CD28: variants seen among roughly 807,000 people sequenced by gnomAD.
CD28 encodes T-cell-specific surface glycoprotein CD28.
In CD28, 8 loss-of-function variants were observed where a neutral mutation model predicts 21.4. The ratio of observed to expected loss-of-function variants is 0.37; its 90% CI spans 0.22 to 0.68. CD28 has a LOEUF of 0.68. Among genes scored for constraint, CD28 ranks in the 30% least tolerant of loss-of-function variants. CD28 has a pLI of 0.55. For synonymous variants in CD28, 106 were observed against 104.0 expected (o/e 1.02, Z -0.12); for missense variants, 239 against 272.2 (o/e 0.88, Z 0.86).
At chr2:203,715,846 T>C (rs1693448764) in intron 1 of CD28, among the ~76,000 whole-genome samples, 1 of 152,166 alleles carries the variant, frequency 6.6e-6, no homozygotes, top group South Asian at 2.1e-4. Context: ...TCTGTAAAAC[T>C]GAGCACCAAT....
rs1693989875 is a variant in CD28 at position 203,734,899 on chromosome 2, C to T, written c.650C>T (p.Ala217Val). The change falls in exon 4 of 4, where the codon GCC becomes GTC. Residue 217 changes from alanine to valine, a missense_variant. Ala to Val is a moderately conservative substitution (Grantham distance 64). Coordinates refer to ENST00000324106, the MANE Select transcript of CD28 (RefSeq NM_006139.4). The stretch of plus-strand genomic sequence containing the variant: ...TATGCCCCACCACGCGACTTCGCAG[C>T]CTATCGCTCCTGACACGGACGCCTA... ...QPYAPPRDFAAYRS is the reference protein window; with the variant it reads ...QPYAPPRDFAVYRS 6.2e-7 allele frequency: 1 copy of T among 1,614,114 alleles called. No individual in the cohort carries two copies. Among genetic ancestry groups the T allele is most frequent in the Non-Finnish European group, 8.5e-7 (1 of 1,179,978 alleles).
intron 2 of CD28, among the ~76,000 whole-genome samples, chr2:203,727,848 T>G (rs1161001287): frequency 2.6e-5 from 4 of 152,082 alleles, no homozygotes; most frequent in Non-Finnish European, 4.4e-5. Context: ...CCCGGCTAAT[T>G]TTTTGTATTT....
At chr2:203,712,972 G>A (rs1693356736) in intron 1 of CD28, among the ~76,000 whole-genome samples, 1 of 152,184 alleles carries the variant, frequency 6.6e-6, no homozygotes, top group Admixed American at 6.6e-5. Flanking sequence ...CACAGAGTGG[G>A]TAGAGCATCT....
chr2:203,734,404 TG>T (rs1230376691), intron 3 of CD28, among the ~76,000 whole-genome samples: 1 of 152,222 alleles, frequency 6.6e-6, no homozygotes, highest in Non-Finnish European at 1.5e-5. Context: ...AAAAACAGCT[TG>T]TTAAGCAAAT....
chr2:203,707,369 AG>A (rs1164038778), intron 1 of CD28, among the ~76,000 whole-genome samples: 1 of 152,042 alleles, frequency 6.6e-6, no homozygotes, highest in African/African-American at 2.4e-5. Flanking sequence ...CCTCACCTCA[AG>A]GTCATTGTGA....
intron 1 of CD28, 34 bp downstream of exon 1, chr2:203,706,782 AT>A (rs773443927): frequency 2.9e-5 from 43 of 1,508,046 alleles, no homozygotes; most frequent in Non-Finnish European, 3.6e-5. Flanking sequence ...TTCTGTAAAT[AT>A]TTTTTGAGGT....
At position 203,734,905 on chromosome 2, in the gene CD28, G is replaced by A. The variant is rs201598596; in HGVS notation, c.656G>A (p.Arg219His). The part of the protein sequence containing the change: ...YAPPRDFAAY[R>H]S ...CCACCACGCGACTTCGCAGCCTATC[G>A]CTCCTGACACGGACGCCTATCCAGA... is the stretch of plus-strand genomic sequence containing the variant. Residue 219 changes from arginine (R) to histidine (H), a missense_variant, in exon 4 of 4, where the codon CGC (arginine) becomes CAC (histidine). Transcript: ENST00000324106. 42 of 1,613,874 alleles carry A rather than the reference G, an allele frequency of 2.6e-5. No homozygotes were observed. Among genetic ancestry groups the A allele is most frequent in the African/African-American group, 1.3e-4 (10 of 74,936 alleles).
intron 1 of CD28, among the ~76,000 whole-genome samples, chr2:203,717,716 A>G (rs1693498363): frequency 6.6e-6 from 1 of 152,202 alleles, no homozygotes; most frequent in African/African-American, 2.4e-5. Flanking sequence ...CAGAGGACCA[A>G]CAATTGCATG....
At chr2:203,724,409 A>G (rs1020015255) in intron 1 of CD28, among the ~76,000 whole-genome samples, 17 of 152,238 alleles carry the variant, frequency 1.1e-4, no homozygotes, top group Admixed American at 6.5e-5. Flanking sequence ...TAAAGTTATT[A>G]TCTAAAATAA....
intron 1 of CD28, among the ~76,000 whole-genome samples, chr2:203,724,248 G>C (rs1351132077): frequency 6.6e-6 from 1 of 152,122 alleles, no homozygotes; most frequent in Non-Finnish European, 1.5e-5. Context: ...CAGGGTGATG[G>C]TAAATGGGTA....
At chr2:203,722,062 A>G (rs1219513510) in intron 1 of CD28, among the ~76,000 whole-genome samples, 1 of 152,126 alleles carries the variant, frequency 6.6e-6, no homozygotes, top group African/African-American at 2.4e-5. Context: ...AAGAAGTCCT[A>G]TTCTCATTCC....
chr2:203,711,704 C>A (rs1665107927), intron 1 of CD28, among the ~76,000 whole-genome samples: 1 of 152,220 alleles, frequency 6.6e-6, no homozygotes, highest in Non-Finnish European at 1.5e-5. Flanking sequence ...CATTGGCTCA[C>A]AATCCACCAT....
upstream of CD28, chr2:203,706,558 C>A: frequency 6.4e-7 from 1 of 1,573,036 alleles, no homozygotes; most frequent in Non-Finnish European, 8.6e-7. Flanking sequence ...ATCATGTGCC[C>A]TAAGGGGATG....
intron 1 of CD28, among the ~76,000 whole-genome samples, chr2:203,724,716 C>A (rs1462558730): frequency 6.6e-6 from 1 of 152,114 alleles, no homozygotes; most frequent in Admixed American, 6.5e-5. Flanking sequence ...AGACAAAAAG[C>A]TACTATTAAT....
chr2:203,722,563 A>G (rs1693630464), intron 1 of CD28, among the ~76,000 whole-genome samples: 1 of 152,210 alleles, frequency 6.6e-6, no homozygotes, highest in African/African-American at 2.4e-5. Context: ...ATTTTATGAG[A>G]GTCTATTAGT....
chr2:203,708,865 C>T (rs74267892), intron 1 of CD28, among the ~76,000 whole-genome samples: 76 of 152,194 alleles, frequency 5.0e-4, no homozygotes, highest in East Asian at 1.2e-3. Context: ...TGGTGGCTCA[C>T]GCCTGTAATC....
At chr2:203,717,104 C>G (rs1157971155) in intron 1 of CD28, among the ~76,000 whole-genome samples, 1 of 152,198 alleles carries the variant, frequency 6.6e-6, no homozygotes, top group African/African-American at 2.4e-5. Flanking sequence ...GTGTCATCCT[C>G]CCAAAGTGCT....
intron 1 of CD28, among the ~76,000 whole-genome samples, chr2:203,707,976 G>A (rs1693205142): frequency 6.6e-6 from 1 of 152,116 alleles, no homozygotes; most frequent in African/African-American, 2.4e-5. Context: ...TTAGAAAAAG[G>A]CCCCCGCTTG....
At chr2:203,707,429 A>G (rs1373420513) in intron 1 of CD28, among the ~76,000 whole-genome samples, 3 of 152,228 alleles carry the variant, frequency 2.0e-5, no homozygotes, top group Non-Finnish European at 4.4e-5. Flanking sequence ...TCAGGCTTCA[A>G]GATAAATGTG....
Sources: allele counts gnomAD v4.1 joint callset (sites outside exome capture counted in the v4.1 genomes callset), GRCh38; gene constraint gnomAD v4.1.1; transcripts MANE v1.5; gene names NCBI Gene and HGNC (gene_info 2026-07-23, HGNC 2026-07-21).